The following TAB2 variants were observed in gnomAD, a reference collection of about 807,000 sequenced individuals.
TAB2 encodes TGF-beta-activated kinase 1 and MAP3K7-binding protein 2.
Under a neutral mutation model 65.0 loss-of-function variants are expected in TAB2, and 3 were observed. The ratio of observed to expected loss-of-function variants is 0.05; its 90% confidence interval spans 0.02 to 0.12. TAB2 has a LOEUF of 0.12. TAB2 is among the 10% of genes least tolerant of loss of function. The probability of loss-of-function intolerance (pLI) is 1.00; values close to 1 mark genes in which losing one functional copy is unlikely to be tolerated. For synonymous variants in TAB2, 298 were observed against 285.1 expected, an observed-to-expected ratio of 1.05 and a Z score of -0.46; for missense variants, 623 against 840.3, an observed-to-expected ratio of 0.74 and a Z score of 3.20.
At chr6:149,239,830 T>G (rs7748981) in intron 1 of TAB2, among the ~76,000 whole-genome samples, 49,215 of 152,058 alleles carry the variant, frequency 0.32, 8,030 homozygotes, top group Admixed American at 0.4. Context: ...CCGAGGGATA[T>G]TCTGTCTTCG....
intron 1 of TAB2, among the ~76,000 whole-genome samples, chr6:149,297,157 A>C (rs571679468): frequency 6.6e-6 from 1 of 151,602 alleles, no homozygotes; most frequent in Non-Finnish European, 1.5e-5. Flanking sequence ...ATGGTTAGAC[A>C]CGGACACCTT....
chr6:149,348,473 A>G (rs1234265062), intron 1 of TAB2, among the ~76,000 whole-genome samples: 1 of 152,070 alleles, frequency 6.6e-6, no homozygotes, highest in Admixed American at 6.5e-5. Context: ...TGACAACTAA[A>G]TAGATAGGTC....
chr6:149,241,970 C>A (rs1344996596), intron 1 of TAB2, among the ~76,000 whole-genome samples: 3 of 152,114 alleles, frequency 2.0e-5, no homozygotes, highest in Non-Finnish European at 4.4e-5. Context: ...CTACTGCGTT[C>A]CCCACTGCCT....
At chr6:149,289,776 G>A (rs1778743708) in intron 1 of TAB2, among the ~76,000 whole-genome samples, 1 of 152,220 alleles carries the variant, frequency 6.6e-6, no homozygotes, top group Non-Finnish European at 1.5e-5. Context: ...CGCCTAAGTT[G>A]GTCGGGCTAC....
At chr6:149,400,892 A>C in intron 6 of TAB2, 1 of 571,300 alleles carries the variant, frequency 1.8e-6, no homozygotes, top group Non-Finnish European at 3.1e-6. Flanking sequence ...TTCAAACCAA[A>C]CAGCCAATGG....
At chr6:149,330,072 G>A (rs991832976) in intron 1 of TAB2, among the ~76,000 whole-genome samples, 3 of 151,244 alleles carry the variant, frequency 2.0e-5, no homozygotes, top group African/African-American at 7.3e-5. Context: ...AATCGTACGT[G>A]ATGTTACCTT....
intron 6 of TAB2, among the ~76,000 whole-genome samples, chr6:149,404,835 G>T (rs1782610199): frequency 6.6e-6 from 1 of 152,122 alleles, no homozygotes; most frequent in African/African-American, 2.4e-5. Flanking sequence ...TAGGTGAAAA[G>T]CTTCTTGACC....
chr6:149,291,589 A>C (rs1264616527), intron 1 of TAB2: 2 of 152,408 alleles, frequency 1.3e-5, no homozygotes, highest in Non-Finnish European at 2.9e-5. Flanking sequence ...GCCTGGGTGC[A>C]GTGGCTCACG....
intron 1 of TAB2, among the ~76,000 whole-genome samples, chr6:149,366,004 T>C (rs1781028634): frequency 6.6e-6 from 1 of 152,196 alleles, no homozygotes; most frequent in African/African-American, 2.4e-5. Context: ...CAGGCATATT[T>C]GCACTTAAAT....
chr6:149,284,757 A>G (rs897894362), intron 1 of TAB2, among the ~76,000 whole-genome samples: 3 of 151,928 alleles, frequency 2.0e-5, no homozygotes, highest in Non-Finnish European at 4.4e-5. Context: ...TTATTTATCC[A>G]TCTAGCTGCT....
chr6:149,268,483 G>A (rs1340213665), intron 1 of TAB2, among the ~76,000 whole-genome samples: 1 of 152,000 alleles, frequency 6.6e-6, no homozygotes, highest in Non-Finnish European at 1.5e-5. Context: ...TAGAGAGAGA[G>A]CAAGACAGAG....
intron 1 of TAB2, among the ~76,000 whole-genome samples, chr6:149,335,017 C>G (rs1779892117): frequency 6.6e-6 from 1 of 152,052 alleles, no homozygotes; most frequent in Admixed American, 6.6e-5. Flanking sequence ...TCCCACCCCT[C>G]CCTTCCGCCT....
chr6:149,263,926 G>A (rs1413526273), intron 1 of TAB2, among the ~76,000 whole-genome samples: 2 of 152,188 alleles, frequency 1.3e-5, no homozygotes, highest in African/African-American at 4.8e-5. Flanking sequence ...GGAGAGTCTG[G>A]CAGGGTCATT....
chr6:149,287,217 T>C (rs28561618), intron 1 of TAB2, among the ~76,000 whole-genome samples: 11 of 152,226 alleles, frequency 7.2e-5, no homozygotes, highest in Admixed American at 2.0e-4. Context: ...AAACAATATA[T>C]TGACATGAGT....
In TAB2 at chr6:149,410,218, A is replaced by AC. The variant is rs1452419314; in HGVS notation, c.*500dup. ...GGGAAGAACTTCAGAAATCTGTGGT[A>AC]CTCTTGGCCTTGTCTTTGTCTTCCC... is the stretch of plus-strand genomic sequence containing the variant. On this transcript the variant is annotated 3_prime_UTR_variant, in exon 7 of 7. Coordinates refer to ENST00000637181, the MANE Select transcript of TAB2 (RefSeq NM_001292034.3). 1 of 173,768 alleles carries AC rather than the reference A, an allele frequency of 5.8e-6. No homozygotes were observed. The highest frequency in any genetic ancestry group is 2.4e-5 in the African/African-American group (1 of 41,676). The allele number at this position is 173,768 out of a possible 1,614,324, so 10.8% of individuals were successfully genotyped here. A position where few individuals can be genotyped will look rare whatever the true frequency, so the allele number is the denominator to read the frequency against.
At chr6:149,246,354 T>G (rs1309189140) in intron 1 of TAB2, 1 of 152,244 alleles carries the variant, frequency 6.6e-6, no homozygotes, top group Non-Finnish European at 1.5e-5. Context: ...TACAGGACTC[T>G]GTTTTCCCTA....
intron 3 of TAB2, among the ~76,000 whole-genome samples, chr6:149,392,588 A>G (rs1373178584): frequency 2.6e-5 from 4 of 152,114 alleles, no homozygotes; most frequent in African/African-American, 7.2e-5. Flanking sequence ...ATGAGTTGCC[A>G]TTTTGTCTAC....
chr6:149,275,232 GAGAGAAAGAAAGAAAGAAAGAA>G (rs777041680), intron 1 of TAB2, among the ~76,000 whole-genome samples: 15 of 123,772 alleles, frequency 1.2e-4, no homozygotes, highest in African/African-American at 4.7e-4. Context: ...GGGGGAGAGA[GAGAGAAAGAAAGAAAGAAAGAA>G]AGAAAGAAAG....
chr6:149,270,213 G>T (rs1778334097), intron 1 of TAB2, among the ~76,000 whole-genome samples: 2 of 152,126 alleles, frequency 1.3e-5, no homozygotes, highest in African/African-American at 4.8e-5. Context: ...ATCTTTTTAT[G>T]TGCTTATTTG....
Sources: gnomAD v4.1 joint callset for allele counts (sites outside exome capture counted in the v4.1 genomes callset) on GRCh38, gnomAD v4.1.1 for gene constraint, MANE v1.5 for transcripts, NCBI Gene and HGNC (gene_info 2026-07-23, HGNC 2026-07-21) for gene names.